HLTF: variants seen among roughly 807,000 people sequenced by gnomAD.
HLTF encodes DNA-dependent ATPase/E3 ubiquitin-protein ligase HLTF.
A neutral mutation model predicts 129.4 loss-of-function variants in HLTF; 127 were observed. The ratio of observed to expected loss-of-function variants is 0.98; its 90% CI spans 0.85 to 1.14. HLTF has a LOEUF of 1.14. Among genes scored for constraint, HLTF ranks in the 50% most tolerant of loss-of-function variants. The pLI is 0.00. For missense variants in HLTF, 1,139 were observed against 1,187.1 expected (o/e 0.96, Z 0.60); for synonymous variants, 332 against 388.8 (o/e 0.85, Z 1.72).
intron 17 of HLTF, among the ~76,000 whole-genome samples, chr3:149,047,807 C>G (rs1716677695): frequency 6.6e-6 from 1 of 152,094 alleles, no homozygotes; most frequent in African/African-American, 2.4e-5. Context: ...TCTTTCCTTT[C>G]AGTTTAGCCA....
intron 8 of HLTF, among the ~76,000 whole-genome samples, chr3:149,067,952 T>C (rs1718538835): frequency 6.6e-6 from 1 of 152,134 alleles, no homozygotes; most frequent in African/African-American, 2.4e-5. Context: ...GAGACCAGCC[T>C]GGACAACATG....
chr3:149,085,530 A>G (rs923783482), intron 1 of HLTF, among the ~76,000 whole-genome samples: 2 of 152,220 alleles, frequency 1.3e-5, no homozygotes, highest in African/African-American at 4.8e-5. Context: ...CCAAAATTTC[A>G]ATAGGGATTG....
At chr3:149,054,577 A>C (rs1717268927) in intron 14 of HLTF, among the ~76,000 whole-genome samples, 1 of 152,204 alleles carries the variant, frequency 6.6e-6, no homozygotes, top group African/African-American at 2.4e-5. Flanking sequence ...TTATTTCATC[A>C]TAACAAGAAG....
At chr3:149,064,474 C>CA (rs1257404473) in intron 9 of HLTF, among the ~76,000 whole-genome samples, 2 of 152,134 alleles carry the variant, frequency 1.3e-5, no homozygotes, top group East Asian at 3.8e-4. Flanking sequence ...TTAAATACAA[C>CA]AAAATTCACT....
intron 20 of HLTF, among the ~76,000 whole-genome samples, chr3:149,041,047 A>G (rs1373287047): frequency 6.6e-6 from 1 of 152,200 alleles, no homozygotes; most frequent in Admixed American, 6.6e-5. Flanking sequence ...AAATGTGGCT[A>G]AGCCAAATTG....
intron 8 of HLTF, among the ~76,000 whole-genome samples, chr3:149,065,539 C>A (rs983297375): frequency 2.0e-5 from 3 of 151,990 alleles, no homozygotes; most frequent in African/African-American, 4.8e-5. Context: ...AGGTACCAAT[C>A]AAAAAAAACT....
chr3:149,072,787 C>G (rs1286384835), intron 5 of HLTF, among the ~76,000 whole-genome samples: 2 of 151,942 alleles, frequency 1.3e-5, no homozygotes, highest in South Asian at 2.1e-4. Context: ...ACTTTATATA[C>G]TTTTTTTTCA....
intron 1 of HLTF, 93 bp from the exon 2 acceptor site, chr3:149,084,982 T>C (rs1452822242): frequency 5.9e-6 from 5 of 850,666 alleles, no homozygotes; most frequent in Non-Finnish European, 9.3e-6. Context: ...CTTCAGCAAA[T>C]GAAATCTTAC....
chr3:149,050,327 C>T lies in HLTF; in HGVS notation c.1522G>A (p.Val508Ile), dbSNP rs1443522734. Residue 508 changes from valine to isoleucine, a missense_variant, in exon 15 of 25, where the codon GTT (valine) becomes ATT (isoleucine). Physicochemically the swap from Val to Ile is conservative, Grantham distance 29 (BLOSUM62 3). Transcript: ENST00000310053. ...IKSDVHLNFY[V>I]YYGPDRIREP... ...CTAATACGATCAGGACCATAATAAA[C>T]ATAAAAATTCAAGTGTACATCTGAT... 1.3e-6 allele frequency: 2 copies of T among 1,594,932 alleles called. No individual in the cohort carries two copies. Among genetic ancestry groups the T allele is most frequent in the Non-Finnish European group, 1.7e-6 (2 of 1,166,634 alleles).
At chr3:149,074,589 A>T (rs955972794) in intron 3 of HLTF, among the ~76,000 whole-genome samples, 1 of 152,218 alleles carries the variant, frequency 6.6e-6, no homozygotes, top group African/African-American at 2.4e-5. Flanking sequence ...AAGCAGTTTT[A>T]AAAATGCAAG....
chr3:149,065,861 A>G (rs1718333973), intron 8 of HLTF, among the ~76,000 whole-genome samples: 1 of 152,212 alleles, frequency 6.6e-6, no homozygotes, highest in Admixed American at 6.5e-5. Flanking sequence ...TTTTAGAGAT[A>G]CGTAACTAGA....
intron 17 of HLTF, among the ~76,000 whole-genome samples, chr3:149,046,816 T>C (rs1252487156): frequency 6.6e-6 from 1 of 152,216 alleles, no homozygotes; most frequent in Admixed American, 6.5e-5. Flanking sequence ...TTTACATTTC[T>C]TTCTCAGTAC....
intron 2 of HLTF, among the ~76,000 whole-genome samples, chr3:149,081,628 T>C (rs1719883955): frequency 6.6e-6 from 1 of 152,164 alleles, no homozygotes; most frequent in African/African-American, 2.4e-5. Context: ...ATCACCTTTT[T>C]AAAAAAGTTT....
rs36037300 is a variant in HLTF, at chr3:149,069,472, G to GAAA, written c.895-1140_895-1138dup. On this transcript the variant is annotated intron_variant, in intron 7 of 24. Transcript: ENST00000310053. Reference sequence around the variant, plus strand: ...CAACAAGAGTGAAACTCCATCTCAAGAAAAAAAAAAAAAAAGAAGAAGAAT... The same window carrying GAAA: ...CAACAAGAGTGAAACTCCATCTCAAGAAAAAAAAAAAAAAAAAAGAAGAAGAAT... Among the ~76,000 whole-genome samples the GAAA allele has an allele frequency of 2.2e-3, 265 of 122,740 alleles. 5 individuals are homozygous for GAAA. The highest frequency in any genetic ancestry group is 4.8e-3 in the African/African-American group (175 of 36,102). The allele number at this position is 122,740 out of a possible 152,430, so 80.5% of individuals were successfully genotyped here.
In HLTF at chr3:149,048,034, C is replaced by T. The variant is rs184046773; in HGVS notation, c.1886G>A (p.Gly629Glu). Reference protein sequence around the residue: ...QRPVTMGDEGGLRRLQSLIKN... With the variant: ...QRPVTMGDEGELRRLQSLIKN... ...ACTGTCTGAAAGTACTTACCTAAGT[C>T]CTCCTTCATCTCCCATTGTGACAGG... The change falls in exon 17 of 25, where the codon GGA becomes GAA. Residue 629 changes from glycine to glutamate, a missense_variant. Gly to Glu is a moderately conservative substitution (Grantham distance 98). Transcript: ENST00000310053. The T allele has an allele frequency of 1.4e-4, 225 of 1,598,328 alleles. 3 individuals carry two copies. The highest frequency in any genetic ancestry group is 2.6e-6 in the Non-Finnish European group (3 of 1,174,096).
intron 23 of HLTF, 43 bp downstream of exon 23, chr3:149,039,006 A>G: frequency 3.4e-6 from 4 of 1,183,402 alleles, no homozygotes; most frequent in Non-Finnish European, 4.6e-6. Context: ...TATTTTTTTG[A>G]AAGAAGTACT....
At chr3:149,039,484 A>T in intron 22 of HLTF, 97 bp downstream of exon 22, 1 of 667,182 alleles carries the variant, frequency 1.5e-6, no homozygotes, top group East Asian at 2.9e-5. Context: ...AAATGACTAA[A>T]ACTGGCAAAA....
At position 149,086,492 on chromosome 3, in the gene HLTF, A is replaced by G; in HGVS notation, c.-156T>C. The G allele has an allele frequency of 1.3e-6, 1 of 753,426 alleles. No individual in the cohort carries two copies. The allele number at this position is 753,426 out of a possible 1,614,324, so 46.7% of individuals were successfully genotyped here. Reference sequence around the variant, plus strand: ...CACGACTGAAAGGTAAGTCGCCGCGAGTCCAGTCAGACGTCGACGCCGTCT... The same window carrying G: ...CACGACTGAAAGGTAAGTCGCCGCGGGTCCAGTCAGACGTCGACGCCGTCT... On this transcript the variant is annotated 5_prime_UTR_variant, in exon 1 of 25. Transcript: ENST00000310053.
rs758292477 is a variant in HLTF, at chr3:149,039,178, T to C, written c.2667A>G (p.Lys889=). Residue 889 remains lysine (K), a synonymous_variant, in exon 23 of 25, where the codon AAA becomes AAG. Transcript: ENST00000310053. ...GAAAACACTGAATTGATTCAACTCT[T>C]TTCTTTTGGGCCATGGAACCATCCA... ...TRLDGSMAQK[K]RVESIQCFQN... is the part of the protein sequence containing the mutation. 7.5e-6 allele frequency: 12 copies of C among 1,610,160 alleles called. No individual in the cohort carries two copies. Among genetic ancestry groups the C allele is most frequent in the Non-Finnish European group, 1.0e-5 (12 of 1,178,442 alleles).
Sources: allele counts gnomAD v4.1 joint callset (sites outside exome capture counted in the v4.1 genomes callset), GRCh38; gene constraint gnomAD v4.1.1; transcripts MANE v1.5; gene names NCBI Gene and HGNC (gene_info 2026-07-23, HGNC 2026-07-21).